Variants in CEP70 observed in about 807,000 individuals in gnomAD.
CEP70 encodes centrosomal protein of 70 kDa.
A neutral mutation model predicts 90.9 loss-of-function variants in CEP70; 70 were observed. The observed-to-expected ratio is 0.77, with a 90% CI of 0.64 to 0.94. The LOEUF (loss-of-function observed/expected upper bound fraction) is 0.94. Ranked by LOEUF, CEP70 falls within the 40% of genes least tolerant of loss-of-function variation. CEP70 has a pLI of 0.00. For missense variants in CEP70, 648 were observed against 669.0 expected (o/e 0.97, Z 0.35); for synonymous variants, 220 against 228.3 (o/e 0.96, Z 0.33).
intron 17 of CEP70, chr3:138,497,262 T>G (rs1311582431): frequency 7.9e-7 from 1 of 1,269,746 alleles, no homozygotes; most frequent in Non-Finnish European, 1.0e-6. Context: ...TTATCAAGTT[T>G]TCATTGACTC....
intron 11 of CEP70, among the ~76,000 whole-genome samples, 176 bp from the exon 12 acceptor site, chr3:138,508,720 T>C (rs1210416397): frequency 6.6e-6 from 1 of 152,054 alleles, no homozygotes; most frequent in Non-Finnish European, 1.5e-5. Context: ...TATATGCATA[T>C]ATAGAGTTAA....
chr3:138,589,530 C>T (rs1036227185), intron 2 of CEP70, among the ~76,000 whole-genome samples: 4 of 151,186 alleles, frequency 2.6e-5, no homozygotes, highest in African/African-American at 7.3e-5. Flanking sequence ...TGGCAGCATA[C>T]ACCTGTAGTC....
Position 138,494,968 on chromosome 3 carries a change from A to G in CEP70, c.*47T>C, listed in dbSNP as rs2033865207. 1 of 1,053,702 alleles carries G rather than the reference A, an allele frequency of 9.5e-7. No homozygotes were observed. 65.3% of individuals were successfully genotyped at this position (1,053,702 alleles called of 1,614,324 possible). ...AATAAGATCAATCCTACAAAATACA[A>G]AATGTTAAGAATACAATTTACACAG... On this transcript the variant is annotated 3_prime_UTR_variant, in exon 18 of 18. Coordinates refer to ENST00000264982, the MANE Select transcript of CEP70 (RefSeq NM_024491.4).
chr3:138,499,781 T>TACACACACACACACA (rs1437666987), intron 16 of CEP70: 2 of 129,960 alleles, frequency 1.5e-5, no homozygotes, highest in African/African-American at 6.8e-5. Flanking sequence ...TATCTCTCTC[T>TACACACACACACACA]CTACACACAC....
chr3:138,527,401 T>C (rs1356798968), intron 10 of CEP70, among the ~76,000 whole-genome samples: 1 of 151,934 alleles, frequency 6.6e-6, no homozygotes, highest in Non-Finnish European at 1.5e-5. Context: ...GGCTAATTTT[T>C]AAAATTATTT....
chr3:138,558,680 T>G (rs1472521448), intron 6 of CEP70, among the ~76,000 whole-genome samples: 1 of 152,160 alleles, frequency 6.6e-6, no homozygotes, highest in African/African-American at 2.4e-5. Flanking sequence ...GATCCCAGAT[T>G]ACTAGTACAC....
chr3:138,594,117 T>C (rs940814366), intron 1 of CEP70, 81 bp downstream of exon 1: 7 of 152,306 alleles, frequency 4.6e-5, no homozygotes, highest in African/African-American at 1.7e-4. Flanking sequence ...TGACCACTTT[T>C]AGGCCCAGGT....
intron 1 of CEP70, among the ~76,000 whole-genome samples, chr3:138,592,281 C>T (rs1323653520): frequency 6.6e-6 from 1 of 152,174 alleles, no homozygotes; most frequent in Non-Finnish European, 1.5e-5. Flanking sequence ...AATGAAGCAT[C>T]CTCAGACAAA....
intron 1 of CEP70, among the ~76,000 whole-genome samples, chr3:138,592,417 C>T (rs547902021): frequency 3.9e-5 from 6 of 152,276 alleles, no homozygotes; most frequent in Middle Eastern, 3.4e-3. Context: ...GCAGCCTTTT[C>T]CCCACTACAG....
intron 2 of CEP70, among the ~76,000 whole-genome samples, chr3:138,581,167 C>T (rs932692480): frequency 6.6e-6 from 1 of 151,766 alleles, no homozygotes; most frequent in Admixed American, 6.6e-5. Flanking sequence ...TGCCAGTAAT[C>T]CCAGCTACTC....
At chr3:138,577,753 A>C (rs1222439513) in intron 2 of CEP70, among the ~76,000 whole-genome samples, 1 of 152,220 alleles carries the variant, frequency 6.6e-6, no homozygotes, top group African/African-American at 2.4e-5. Context: ...TGGTAGATTT[A>C]AATCCATATC....
At chr3:138,527,619 C>T (rs1037535181) in intron 10 of CEP70, among the ~76,000 whole-genome samples, 5 of 149,880 alleles carry the variant, frequency 3.3e-5, no homozygotes, top group Admixed American at 6.7e-5. Context: ...CACTTGAGCC[C>T]GGGAGGCAGA....
Position 138,498,626 on chromosome 3 carries a change from G to C in CEP70, c.1653-516C>G, listed in dbSNP as rs1162178166. 2.0e-5 allele frequency among the ~76,000 whole-genome samples: 3 copies of C among 151,716 alleles called. No homozygotes were observed. The South Asian group carries it at 6.2e-4, about 32-fold the overall frequency. ...TGGGATTACAGGCGTGAGCTACCAC[G>C]CCCAGCCAATATACAACATTCTTAA... On this transcript the variant is annotated intron_variant, in intron 16 of 17. Transcript: ENST00000264982.
At chr3:138,545,315 T>C (rs1342809239) in intron 6 of CEP70, among the ~76,000 whole-genome samples, 1 of 152,212 alleles carries the variant, frequency 6.6e-6, no homozygotes, top group Non-Finnish European at 1.5e-5. Context: ...CTGTCTTTAC[T>C]GCAATCTCTG....
chr3:138,551,745 T>TAA (rs758898786), intron 6 of CEP70, among the ~76,000 whole-genome samples: 2 of 82,402 alleles, frequency 2.4e-5, no homozygotes, highest in Non-Finnish European at 4.8e-5. Flanking sequence ...AAACTCCATC[T>TAA]AAAAAAAAAA....
intron 17 of CEP70, chr3:138,495,927 A>C: frequency 1.0e-6 from 1 of 985,390 alleles, no homozygotes; most frequent in Non-Finnish European, 1.2e-6. Flanking sequence ...AATATATTAT[A>C]GAGCTTAGCC....
chr3:138,567,084 C>A (rs922607679), intron 6 of CEP70, among the ~76,000 whole-genome samples: 2 of 152,042 alleles, frequency 1.3e-5, no homozygotes, highest in Non-Finnish European at 2.9e-5. Flanking sequence ...ATGGGTGAAT[C>A]CTGAAATAAT....
Position 138,532,550 on chromosome 3 carries a change from T to G in CEP70, c.656A>C (p.Tyr219Ser), listed in dbSNP as rs1229276375. The G allele has an allele frequency of 6.6e-7, 1 of 1,509,638 alleles. No homozygotes were observed. The highest frequency in any genetic ancestry group is 8.9e-7 in the Non-Finnish European group (1 of 1,127,944). The allele number at this position is 1,509,638 out of a possible 1,614,324, so 93.5% of individuals were successfully genotyped here. Residue 219 changes from tyrosine (Y) to serine (S), a missense_variant, in exon 8 of 18, where the codon TAC becomes TCC. Tyr to Ser is a moderately radical substitution (Grantham distance 144). Transcript: ENST00000264982. ...AATTTTTCTAATTTTAGATTCATAG[T>G]AATCAATTAGACAAAGCAACCTAGA... ...LDRQLLCLIDYYESKIRKIHT... is the reference protein window; with the variant it reads ...LDRQLLCLIDSYESKIRKIHT...
intron 12 of CEP70, among the ~76,000 whole-genome samples, chr3:138,507,882 T>A (rs565422729): frequency 6.6e-6 from 1 of 152,266 alleles, no homozygotes; most frequent in East Asian, 1.9e-4. Flanking sequence ...TTTAAAAAAA[T>A]GAATAATCTA....
Sources: gnomAD v4.1 joint callset for allele counts (sites outside exome capture counted in the v4.1 genomes callset) on GRCh38, gnomAD v4.1.1 for gene constraint, MANE v1.5 for transcripts, NCBI Gene and HGNC (gene_info 2026-07-23, HGNC 2026-07-21) for gene names.